The following TMEM217B variants were observed in gnomAD, a reference collection of about 807,000 sequenced individuals.
TMEM217B encodes transmembrane protein 217B.
chr6:37,212,360 G>GTTCC, the TMEM217B span: 1 of 368,824 alleles, frequency 2.7e-6, no homozygotes, highest in Non-Finnish European at 5.4e-6. Flanking sequence ...GGTAGGGAGG[G>GTTCC]TTCCATTGTT....
chr6:37,229,343 T>TTTTTG, the TMEM217B span, among the ~76,000 whole-genome samples: 60 of 126,636 alleles, frequency 4.7e-4, 2 homozygotes, highest in African/African-American at 1.9e-3. Flanking sequence ...CAGTTTTTTT[T>TTTTTG]TTTTTTTTTT....
the TMEM217B span, among the ~76,000 whole-genome samples, chr6:37,252,635 ATATTTTTT>A: frequency 0.027 from 1,608 of 60,236 alleles, 18 homozygotes; most frequent in African/African-American, 0.084. Flanking sequence ...ATATATATAT[ATATTTTTT>A]TTTTTTTTTT....
chr6:37,255,895 A>T, the TMEM217B span, among the ~76,000 whole-genome samples: 1 of 152,234 alleles, frequency 6.6e-6, no homozygotes, highest in Admixed American at 6.5e-5. Context: ...GTGAATTTTT[A>T]AAAAATCTTG....
chr6:37,238,715 C>T, the TMEM217B span, among the ~76,000 whole-genome samples: 5 of 152,170 alleles, frequency 3.3e-5, no homozygotes, highest in African/African-American at 1.2e-4. Context: ...AAGCAACAAG[C>T]ATGAAGACAA....
chr6:37,243,303 C>G, the TMEM217B span, among the ~76,000 whole-genome samples: 3 of 152,154 alleles, frequency 2.0e-5, no homozygotes, highest in Admixed American at 2.0e-4. Context: ...CGTTTTCCAG[C>G]TTTCTGTGCA....
the TMEM217B span, chr6:37,212,452 G>C: frequency 4.5e-6 from 2 of 442,122 alleles, no homozygotes; most frequent in Non-Finnish European, 9.1e-6. Context: ...CAGACGGACA[G>C]GTAGTCATGA....
the TMEM217B span, among the ~76,000 whole-genome samples, chr6:37,223,310 C>T: frequency 0.15 from 23,009 of 151,936 alleles, 2,037 homozygotes; most frequent in Non-Finnish European, 0.2. Flanking sequence ...CTACACAAAA[C>T]ATATGGTACT....
chr6:37,217,249 G>A, the TMEM217B span, among the ~76,000 whole-genome samples: 1 of 152,186 alleles, frequency 6.6e-6, no homozygotes, highest in Non-Finnish European at 1.5e-5. Context: ...AGCCGAGGTC[G>A]CACCATTGCA....
the TMEM217B span, among the ~76,000 whole-genome samples, chr6:37,249,042 T>C: frequency 1.3e-5 from 2 of 152,202 alleles, no homozygotes; most frequent in Admixed American, 1.3e-4. Flanking sequence ...CTTCTGTCTG[T>C]ATCTTCTCTC....
At chr6:37,228,224 C>T in the TMEM217B span, among the ~76,000 whole-genome samples, 2 of 151,850 alleles carry the variant, frequency 1.3e-5, no homozygotes, top group South Asian at 4.1e-4. Context: ...AGCAAGACTC[C>T]ATTTCAAAAA....
chr6:37,216,213 G>A, the TMEM217B span, among the ~76,000 whole-genome samples: 1 of 151,998 alleles, frequency 6.6e-6, no homozygotes, highest in African/African-American at 2.4e-5. Flanking sequence ...CGAGTAGCTG[G>A]GATTACAGGT....
At chr6:37,212,941 A>G in the TMEM217B span, 9 of 1,550,046 alleles carry the variant, frequency 5.8e-6, no homozygotes, top group South Asian at 3.6e-5. Context: ...GAAGATGCCC[A>G]CCATGAGGGA....
chr6:37,219,059 A>T, the TMEM217B span: 27 of 1,590,760 alleles, frequency 1.7e-5, no homozygotes, highest in Non-Finnish European at 2.2e-5. Flanking sequence ...GACAAACAAC[A>T]TGAGGGAGAA....
the TMEM217B span, chr6:37,218,446 G>T: frequency 6.2e-7 from 1 of 1,610,108 alleles, no homozygotes; most frequent in South Asian, 1.1e-5. Flanking sequence ...CAAAGTACTG[G>T]GATTCCAGGT....
the TMEM217B span, chr6:37,217,887 C>G: frequency 4.1e-6 from 4 of 985,696 alleles, no homozygotes; most frequent in African/African-American, 7.0e-5. Flanking sequence ...TCATTTTGAC[C>G]AATCAGGTGG....
the TMEM217B span, among the ~76,000 whole-genome samples, chr6:37,215,569 T>TAAAAAAAAAAA: frequency 9.1e-5 from 1 of 11,004 alleles, no homozygotes; most frequent in African/African-American, 5.3e-4. Context: ...AGACTCTGTC[T>TAAAAAAAAAAA]CAAAAAAAAA....
chr6:37,241,296 G>C, the TMEM217B span, among the ~76,000 whole-genome samples: 25 of 151,702 alleles, frequency 1.6e-4, no homozygotes, highest in Admixed American at 4.6e-4. Flanking sequence ...CAGGCTAAAG[G>C]TGTTACTCTT....
the TMEM217B span, among the ~76,000 whole-genome samples, chr6:37,225,095 G>C: frequency 6.6e-6 from 1 of 151,894 alleles, no homozygotes; most frequent in Non-Finnish European, 1.5e-5. Context: ...AGCTACTCCG[G>C]AGGCTGAGGT....
chr6:37,218,317 T>C, the TMEM217B span: 24 of 1,154,778 alleles, frequency 2.1e-5, no homozygotes, highest in East Asian at 5.9e-4. Flanking sequence ...TACAGGTGTG[T>C]GCCGCCACGC....
Sources: allele counts gnomAD v4.1 joint callset (sites outside exome capture counted in the v4.1 genomes callset), GRCh38; gene constraint gnomAD v4.1.1; transcripts MANE v1.5; gene names NCBI Gene and HGNC (gene_info 2026-07-23, HGNC 2026-07-21).